The following SIAH1 variants were observed in gnomAD, a reference collection of about 807,000 sequenced individuals.
The protein encoded by SIAH1 is E3 ubiquitin-protein ligase SIAH1.
SIAH1 carries 2 observed loss-of-function variants against 20.0 expected under a neutral mutation model. The ratio of observed to expected loss-of-function variants is 0.10; its 90% CI spans 0.04 to 0.31. SIAH1 has a LOEUF of 0.31. Among genes scored for constraint, SIAH1 ranks in the 10% least tolerant of loss-of-function variants. SIAH1 has a pLI of 1.00. For synonymous variants in SIAH1, 118 were observed against 125.3 expected (o/e 0.94, Z 0.39); for missense variants, 119 against 355.3 (o/e 0.33, Z 5.35).
At chr16:48,384,568 G>A (rs140033675) in intron 1 of SIAH1, among the ~76,000 whole-genome samples, 37 of 152,272 alleles carry the variant, frequency 2.4e-4, no homozygotes, top group Middle Eastern at 3.4e-3. Context: ...AAGGGAGGAG[G>A]CTGCATTCTT....
upstream of SIAH1, chr16:48,385,569 C>T (rs1794082959): frequency 6.6e-6 from 1 of 151,862 alleles, no homozygotes; most frequent in Non-Finnish European, 1.5e-5. Context: ...GCGGGCGTAG[C>T]TGTGCGGGTC....
At chr16:48,371,942 C>T (rs1412154088) in intron 1 of SIAH1, among the ~76,000 whole-genome samples, 1 of 152,166 alleles carries the variant, frequency 6.6e-6, no homozygotes, top group Non-Finnish European at 1.5e-5. Flanking sequence ...CCTAGTTCTA[C>T]ACTCTACCAT....
upstream of SIAH1, among the ~76,000 whole-genome samples, chr16:48,386,242 C>T (rs1961463020): frequency 6.6e-6 from 1 of 152,210 alleles, no homozygotes; most frequent in Non-Finnish European, 1.5e-5. Context: ...CGCGGTGGCT[C>T]ACGCCTGTAA....
intron 1 of SIAH1, among the ~76,000 whole-genome samples, 162 bp downstream of exon 1, chr16:48,385,042 G>T (rs942728456): frequency 6.7e-4 from 100 of 148,502 alleles, no homozygotes; most frequent in Non-Finnish European, 1.3e-3. Flanking sequence ...GCGCTCGACC[G>T]GGCGGCCCGA....
intron 1 of SIAH1, among the ~76,000 whole-genome samples, chr16:48,368,633 G>A (rs1240332923): frequency 2.0e-5 from 3 of 152,120 alleles, no homozygotes; most frequent in East Asian, 3.9e-4. Flanking sequence ...GGGAGGCGGA[G>A]GCTGCAGTGA....
chr16:48,386,090 A>G (rs1961457862), upstream of SIAH1, among the ~76,000 whole-genome samples: 1 of 152,248 alleles, frequency 6.6e-6, no homozygotes, highest in Non-Finnish European at 1.5e-5. Flanking sequence ...GGGACTCTGC[A>G]TTCCACTTCT....
intron 1 of SIAH1, among the ~76,000 whole-genome samples, chr16:48,379,090 T>G (rs573449780): frequency 6.6e-6 from 1 of 152,336 alleles, no homozygotes; most frequent in African/African-American, 2.4e-5. Flanking sequence ...AGATGCAAAG[T>G]AGGCAGTGTC....
chr16:48,368,161 A>G (rs1960888701), intron 1 of SIAH1, among the ~76,000 whole-genome samples: 1 of 152,224 alleles, frequency 6.6e-6, no homozygotes, highest in East Asian at 1.9e-4. Flanking sequence ...ATCATAATAT[A>G]TTGTAAATGA....
intron 1 of SIAH1, among the ~76,000 whole-genome samples, chr16:48,382,776 G>C (rs548005461): frequency 2.6e-5 from 4 of 152,168 alleles, no homozygotes; most frequent in Admixed American, 1.3e-4. Context: ...TTTAAACAAA[G>C]AACCTCCAAT....
upstream of SIAH1, among the ~76,000 whole-genome samples, chr16:48,386,234 C>G (rs1961462854): frequency 6.6e-6 from 1 of 152,144 alleles, no homozygotes; most frequent in South Asian, 2.1e-4. Context: ...CGTCCGGACG[C>G]GGTGGCTCAC....
chr16:48,378,078 G>C (rs1056242034), intron 1 of SIAH1, among the ~76,000 whole-genome samples: 1 of 152,150 alleles, frequency 6.6e-6, no homozygotes, highest in Non-Finnish European at 1.5e-5. Context: ...CAGGCCGGGC[G>C]CAGTGGCTCA....
At chr16:48,373,137 C>G (rs1477130474) in intron 1 of SIAH1, among the ~76,000 whole-genome samples, 1 of 152,228 alleles carries the variant, frequency 6.6e-6, no homozygotes, top group Non-Finnish European at 1.5e-5. Context: ...GTCTCCCACC[C>G]TTACACCCTA....
In SIAH1 at chr16:48,361,782, T is replaced by C; in HGVS notation, c.647A>G (p.Lys216Arg). 1 of 1,614,224 alleles carries C rather than the reference T, an allele frequency of 6.2e-7. No individual in the cohort carries two copies. The highest frequency in any genetic ancestry group is 8.5e-7 in the Non-Finnish European group (1 of 1,180,040). Residue 216 changes from lysine (K) to arginine (R), a missense_variant, in exon 2 of 2, where the codon AAG (lysine) becomes AGG (arginine). By Grantham distance (26) the Lys-to-Arg change is conservative (BLOSUM62 2). Around this residue, in one of 2 missense-constraint regions of SIAH1, gnomAD observed 84 missense variants for 307.8 expected, o/e 0.27. Coordinates refer to ENST00000394725, the MANE Select transcript of SIAH1 (RefSeq NM_003031.4). Reference protein sequence around the residue: ...FAIVQLIGTRKQAENFAYRLE... With the variant: ...FAIVQLIGTRRQAENFAYRLE... ...TCGGTAAGCAAAATTTTCAGCTTGC[T>C]TGCGTGTTCCTATCAGCTGTACGAT...
At chr16:48,384,739 A>G in intron 1 of SIAH1, among the ~76,000 whole-genome samples, 3 of 142,280 alleles carry the variant, frequency 2.1e-5, no homozygotes, top group South Asian at 2.5e-4. Context: ...AGGGGGAGGG[A>G]GGGCAGGGCC....
At chr16:48,364,299 T>C (rs1331721498) in intron 1 of SIAH1, among the ~76,000 whole-genome samples, 7 of 152,194 alleles carry the variant, frequency 4.6e-5, no homozygotes, top group African/African-American at 1.7e-4. Flanking sequence ...ATTATAGTCA[T>C]TCTGTTGCAA....
intron 1 of SIAH1, among the ~76,000 whole-genome samples, chr16:48,373,100 C>T (rs991148812): frequency 2.6e-5 from 4 of 152,192 alleles, no homozygotes; most frequent in Non-Finnish European, 4.4e-5. Flanking sequence ...TAATCTCTTC[C>T]AAACCAGTCT....
At chr16:48,364,275 A>C (rs1325204181) in intron 1 of SIAH1, among the ~76,000 whole-genome samples, 1 of 152,102 alleles carries the variant, frequency 6.6e-6, no homozygotes, top group Non-Finnish European at 1.5e-5. Context: ...CCTCAAAATT[A>C]ATGTTTTATC....
chr16:48,363,641 C>T, intron 1 of SIAH1: 1 of 167,282 alleles, frequency 6.0e-6, no homozygotes, highest in Non-Finnish European at 1.5e-5. Context: ...GAGATATATG[C>T]CATACTGGGG....
At chr16:48,374,333 G>A (rs982270562) in intron 1 of SIAH1, among the ~76,000 whole-genome samples, 2 of 152,080 alleles carry the variant, frequency 1.3e-5, no homozygotes, top group Admixed American at 6.6e-5. Flanking sequence ...GGACTTTCAG[G>A]CAGCAACATC....
Sources: gnomAD v4.1 joint callset for allele counts (sites outside exome capture counted in the v4.1 genomes callset) on GRCh38, gnomAD v4.1.1 for gene constraint, gnomAD v4.1.1 regional missense constraint, MANE v1.5 for transcripts, NCBI Gene and HGNC (gene_info 2026-07-23, HGNC 2026-07-21) for gene names.